PEMT: variants seen among roughly 807,000 people sequenced by gnomAD.
The protein encoded by PEMT is phospholipid methyltransferase.
Under a neutral mutation model 27.4 loss-of-function variants are expected in PEMT, and 23 were observed. That is an observed-to-expected ratio of 0.84 (90% CI 0.60 to 1.19). The LOEUF is 1.19. Among genes scored for constraint, PEMT ranks in the 50% most tolerant of loss-of-function variants. The pLI, the probability that PEMT is intolerant of heterozygous loss-of-function variation, is 0.00. For missense variants in PEMT, 307 were observed against 310.1 expected, an observed-to-expected ratio of 0.99 and a Z score of 0.07; for synonymous variants, 137 against 139.1, an observed-to-expected ratio of 0.98 and a Z score of 0.11.
At chr17:17,509,613 G>A in intron 4 of PEMT, 68 bp from the exon 5 acceptor site, 1 of 1,119,352 alleles carries the variant, frequency 8.9e-7, no homozygotes, top group Non-Finnish European at 1.4e-6. Flanking sequence ...ACTGAGGGAG[G>A]CCCCAGAGCG....
At chr17:17,592,075 G>C, upstream of PEMT, 1 of 985,400 alleles carries the variant, frequency 1.0e-6, no homozygotes, top group Non-Finnish European at 1.2e-6. Flanking sequence ...GACTTGGCCC[G>C]GGTCACACAC....
At chr17:17,554,252 G>A (rs569982436) in intron 2 of PEMT, among the ~76,000 whole-genome samples, 1 of 152,362 alleles carries the variant, frequency 6.6e-6, no homozygotes, top group African/African-American at 2.4e-5. Flanking sequence ...TCAGCCACAA[G>A]GCAGTGGGAG....
At chr17:17,522,139 T>C (rs1000216383) in intron 3 of PEMT, 141 bp downstream of exon 3, 17 of 646,678 alleles carry the variant, frequency 2.6e-5, no homozygotes, top group Non-Finnish European at 4.5e-5. Context: ...TAGGGTGGCT[T>C]GCTGTGGCAG....
intron 2 of PEMT, among the ~76,000 whole-genome samples, chr17:17,529,989 G>A (rs1203594663): frequency 6.6e-6 from 1 of 152,146 alleles, no homozygotes; most frequent in Non-Finnish European, 1.5e-5. Flanking sequence ...AAAAGCAAGT[G>A]CGGAAGGTGC....
At chr17:17,551,607 C>T (rs962806975) in intron 2 of PEMT, among the ~76,000 whole-genome samples, 2 of 152,208 alleles carry the variant, frequency 1.3e-5, no homozygotes, top group Non-Finnish European at 2.9e-5. Context: ...ATGCCCCGAA[C>T]AGCAGATAAG....
At chr17:17,541,670 T>A (rs1001081074) in intron 2 of PEMT, among the ~76,000 whole-genome samples, 1 of 152,228 alleles carries the variant, frequency 6.6e-6, no homozygotes, top group Non-Finnish European at 1.5e-5. Flanking sequence ...GATAAATATT[T>A]TGATATCTGT....
In PEMT at chr17:17,523,373, C is replaced by T. The variant is rs983505090; in HGVS notation, c.205-978G>A. Among the ~76,000 whole-genome samples the T allele has an allele frequency of 2.6e-5, 4 of 152,164 alleles. No individual in the cohort carries two copies. The highest frequency in any genetic ancestry group is 1.9e-4 in the East Asian group (1 of 5,190). On this transcript the variant is annotated intron_variant, in intron 2 of 6. Transcript: ENST00000255389. This position sits in a 1 kb window ranked among gnomAD's most constrained non-coding sequence, Gnocchi z 4.8. ...GTGGACCTGCCTTTCCCAGCAGTTG[C>T]GGCAGGAGAGTGATTAGCGATGATT...
chr17:17,512,783 G>A lies in PEMT; in HGVS notation c.321-129C>T, dbSNP rs1328723538. 3 of 834,466 alleles carry A rather than the reference G, an allele frequency of 3.6e-6. No individual in the cohort carries two copies. The highest frequency in any genetic ancestry group is 3.3e-6 in the Non-Finnish European group (2 of 609,528). The allele number at this position is 834,466 out of a possible 1,614,324, so 51.7% of individuals were successfully genotyped here. ...GAGAGTAGCCAGCCCAGGGCTGCCAGGCCAGGCAGGCAGCAGGTGGGGTCC... is the reference window on the plus strand; with the variant it reads ...GAGAGTAGCCAGCCCAGGGCTGCCAAGCCAGGCAGGCAGCAGGTGGGGTCC... On this transcript the variant is annotated intron_variant, in intron 3 of 6. Coordinates refer to ENST00000255389, the MANE Select transcript of PEMT (RefSeq NM_148172.3). This position sits in a 1 kb window ranked among gnomAD's most constrained non-coding sequence, Gnocchi z 6.3.
chr17:17,591,344 C>A (rs1912575611), intron 1 of PEMT, 187 bp downstream of exon 1: 1 of 573,910 alleles, frequency 1.7e-6, no homozygotes, highest in East Asian at 3.0e-5. Flanking sequence ...CGCGCGCGCA[C>A]ACGCACACAC....
intron 1 of PEMT, among the ~76,000 whole-genome samples, chr17:17,590,823 A>T (rs1008044595): frequency 3.9e-5 from 6 of 152,206 alleles, no homozygotes; most frequent in African/African-American, 1.4e-4. Context: ...ATTGGAATCC[A>T]TTGGAATTGG....
chr17:17,540,287 G>A (rs1286883203), intron 2 of PEMT, among the ~76,000 whole-genome samples: 2 of 152,222 alleles, frequency 1.3e-5, no homozygotes, highest in African/African-American at 4.8e-5. Flanking sequence ...TGGCCGGGAC[G>A]AGGAGGGGGC....
intron 5 of PEMT, chr17:17,508,442 C>T (rs1044807439): frequency 4.8e-5 from 10 of 210,012 alleles, no homozygotes; most frequent in South Asian, 1.7e-4. Flanking sequence ...CCCGCTGCTA[C>T]GGTCCCAACT....
At chr17:17,544,726 T>C (rs1909132451) in intron 2 of PEMT, among the ~76,000 whole-genome samples, 1 of 152,054 alleles carries the variant, frequency 6.6e-6, no homozygotes, top group Admixed American at 6.6e-5. Flanking sequence ...GAAAAGACGT[T>C]TCAAAATGGA....
intron 6 of PEMT, 43 bp downstream of exon 6, chr17:17,506,184 C>T: frequency 7.0e-7 from 1 of 1,427,268 alleles, no homozygotes; most frequent in South Asian, 1.2e-5. Context: ...GAGACAGGGC[C>T]AGTCGGGCAG....
chr17:17,568,270 C>T (rs1345340553), intron 2 of PEMT, among the ~76,000 whole-genome samples: 2 of 152,360 alleles, frequency 1.3e-5, no homozygotes, highest in Admixed American at 1.3e-4. Flanking sequence ...GCCTATGGCC[C>T]ACCATCACCT....
At chr17:17,547,111 G>T (rs542930988) in intron 2 of PEMT, among the ~76,000 whole-genome samples, 3 of 152,400 alleles carry the variant, frequency 2.0e-5, no homozygotes, top group Admixed American at 2.0e-4. Flanking sequence ...CGCTGTTACT[G>T]CAGGATAATT....
chr17:17,530,356 A>G (rs1480427442), intron 2 of PEMT, among the ~76,000 whole-genome samples: 3 of 152,198 alleles, frequency 2.0e-5, no homozygotes, highest in Non-Finnish European at 4.4e-5. Flanking sequence ...TTAGCCGGGC[A>G]TGATGGCGGG....
intron 2 of PEMT, among the ~76,000 whole-genome samples, chr17:17,570,314 C>G (rs977839002): frequency 6.6e-6 from 1 of 152,214 alleles, no homozygotes. Flanking sequence ...CAAACAGTGA[C>G]AGCAGGTATG....
Position 17,513,228 on chromosome 17 carries a change from C to A in PEMT, c.321-574G>T, listed in dbSNP as rs866986356. 6.6e-6 allele frequency among the ~76,000 whole-genome samples: 1 copy of A among 152,172 alleles called. No homozygotes were observed. The highest frequency in any genetic ancestry group is 2.4e-5 in the African/African-American group (1 of 41,448). On this transcript the variant is annotated intron_variant, in intron 3 of 6. Transcript: ENST00000255389. The surrounding 1 kb of genome is among the most constrained non-coding windows in gnomAD (Gnocchi z 4.1). ...CTTGCATTTAAAGGCACTTTGGGGGCCCTTAATGTCCTCCTCCACACCTGA... is the reference window on the plus strand; with the variant it reads ...CTTGCATTTAAAGGCACTTTGGGGGACCTTAATGTCCTCCTCCACACCTGA...
Sources: allele counts gnomAD v4.1 joint callset (sites outside exome capture counted in the v4.1 genomes callset), GRCh38; gene constraint gnomAD v4.1.1; non-coding constraint Gnocchi (gnomAD v3.1); transcripts MANE v1.5; gene names NCBI Gene and HGNC (gene_info 2026-07-23, HGNC 2026-07-21).